MARS1: variants seen among roughly 807,000 people sequenced by gnomAD.
MARS1 encodes methionyl-tRNA synthetase 1.
Under a neutral mutation model 119.5 loss-of-function variants are expected in MARS1, and 80 were observed. The ratio of observed to expected loss-of-function variants is 0.67; its 90% CI spans 0.56 to 0.81. MARS1 has a LOEUF of 0.81. Among genes scored for constraint, MARS1 ranks in the 30% least tolerant of loss-of-function variants. The pLI is 0.00. For synonymous variants in MARS1, 418 were observed against 433.4 expected (o/e 0.96, Z 0.44); for missense variants, 945 against 1,116.5 (o/e 0.85, Z 2.19).
At chr12:57,516,086 C>T (rs906748165) in intron 19 of MARS1, 95 bp downstream of exon 19, 6 of 1,436,240 alleles carry the variant, frequency 4.2e-6, no homozygotes, top group African/African-American at 1.4e-5. Flanking sequence ...CTCTTTCCAT[C>T]TTTTGGCCCT....
chr12:57,507,846 C>T (rs966746844), intron 11 of MARS1, among the ~76,000 whole-genome samples: 2 of 150,254 alleles, frequency 1.3e-5, no homozygotes, highest in Non-Finnish European at 3.0e-5. Flanking sequence ...CGGGCGGAGA[C>T]GCTCCTCACT....
chr12:57,516,100 G>C (rs746069656), intron 19 of MARS1, 109 bp downstream of exon 19: 1 of 1,389,458 alleles, frequency 7.2e-7, no homozygotes, highest in Non-Finnish European at 1.0e-6. Context: ...TGGCCCTGCC[G>C]CTTCCTCACT....
intron 7 of MARS1, among the ~76,000 whole-genome samples, chr12:57,493,107 T>G (rs1279370164): frequency 6.6e-6 from 1 of 151,262 alleles, no homozygotes; most frequent in Non-Finnish European, 1.5e-5. Context: ...GGAGGTCCCA[T>G]TGTCATATTA....
chr12:57,515,856 C>CTG, intron 18 of MARS1, 64 bp from the exon 19 acceptor site: 2 of 1,254,460 alleles, frequency 1.6e-6, no homozygotes, highest in East Asian at 2.3e-5. Context: ...GAGAGGTCAT[C>CTG]TGTATAGTCT....
chr12:57,516,223 T>C (rs1402222951), intron 19 of MARS1, 22 bp from the exon 20 acceptor site: 1 of 1,606,666 alleles, frequency 6.2e-7, no homozygotes, highest in Non-Finnish European at 8.5e-7. Flanking sequence ...TGGTTGCTGG[T>C]GATAACTTTG....
At chr12:57,501,927 G>A (rs771920078) in intron 10 of MARS1, among the ~76,000 whole-genome samples, 4 of 151,854 alleles carry the variant, frequency 2.6e-5, no homozygotes, top group African/African-American at 7.3e-5. Context: ...CCTGGGAAGC[G>A]GAGGTTGCAG....
chr12:57,504,065 C>T, intron 10 of MARS1, 160 bp from the exon 11 acceptor site: 2 of 607,118 alleles, frequency 3.3e-6, no homozygotes. Context: ...ATTTGAGTCT[C>T]CATGTTTAGA....
chr12:57,515,410 C>T (rs1426180950), intron 18 of MARS1, 74 bp downstream of exon 18: 4 of 1,407,170 alleles, frequency 2.8e-6, no homozygotes, highest in Middle Eastern at 3.6e-4. Context: ...GAGAGAAGAC[C>T]TAACATCTCT....
intron 15 of MARS1, among the ~76,000 whole-genome samples, chr12:57,514,157 CTT>C (rs568624285): frequency 6.1e-5 from 8 of 131,200 alleles, no homozygotes; most frequent in Non-Finnish European, 6.5e-5. Context: ...TGAGTAATGA[CTT>C]TTTTTTTTTT....
At chr12:57,514,496 T>C (rs536294566) in intron 15 of MARS1, among the ~76,000 whole-genome samples, 2 of 152,254 alleles carry the variant, frequency 1.3e-5, no homozygotes, top group South Asian at 2.1e-4. Context: ...GGTACAGTTG[T>C]TTAACTTAAT....
In MARS1 at chr12:57,514,794, T is replaced by C. The variant is rs766512056; in HGVS notation, c.2042T>C (p.Leu681Pro). The change falls in exon 16 of 21, where the codon CTG (leucine) becomes CCG (proline). Residue 681 changes from leucine (L) to proline (P), a missense_variant. Coordinates refer to ENST00000262027, the MANE Select transcript of MARS1 (RefSeq NM_004990.4). ...GTGCTCACCCCTGATGATCAGCGCC[T>C]GCTGGCCCATGTCACCCTGGAGCTC... ...EMVLTPDDQR[L>P]LAHVTLELQH... 4.2e-5 allele frequency: 67 copies of C among 1,614,138 alleles called. No individual in the cohort carries two copies. Among genetic ancestry groups the C allele is most frequent in the Non-Finnish European group, 5.7e-5 (67 of 1,180,056 alleles).
intron 11 of MARS1, among the ~76,000 whole-genome samples, chr12:57,510,464 C>T (rs971521465): frequency 6.6e-6 from 1 of 151,718 alleles, no homozygotes; most frequent in Non-Finnish European, 1.5e-5. Context: ...CTGAGCAAGA[C>T]TCCAGCTCAA....
chr12:57,502,799 G>A (rs1876991737), intron 10 of MARS1, among the ~76,000 whole-genome samples: 2 of 151,176 alleles, frequency 1.3e-5, no homozygotes, highest in African/African-American at 2.4e-5. Context: ...AGGCTGAGGC[G>A]GGCAGATCAC....
intron 11 of MARS1, among the ~76,000 whole-genome samples, chr12:57,508,343 C>A (rs1042547469): frequency 6.6e-6 from 1 of 151,946 alleles, no homozygotes; most frequent in African/African-American, 2.4e-5. Flanking sequence ...GAGCCGAGAT[C>A]ACACCACTGC....
Position 57,514,851 on chromosome 12 carries a change from G to C in MARS1, c.2099G>C (p.Arg700Pro). ...QHYHQLLEKV[R>P]IRDALRSILT... is the part of the protein sequence containing the mutation. ...TATCACCAGCTACTTGAGAAGGTTCGGTAAGTAACTGACACCTCTGTCTTT... is the reference window on the plus strand; with the variant it reads ...TATCACCAGCTACTTGAGAAGGTTCCGTAAGTAACTGACACCTCTGTCTTT... The change falls in exon 16 of 21, where the codon CGG (arginine) becomes CCG (proline). Residue 700 changes from arginine to proline, a missense_variant and splice_region_variant. Transcript: ENST00000262027. 1 of 1,613,704 alleles carries C rather than the reference G, an allele frequency of 6.2e-7. No individual in the cohort carries two copies. Among genetic ancestry groups the C allele is most frequent in the African/African-American group, 1.3e-5 (1 of 74,992 alleles).
chr12:57,509,084 T>C (rs1196038288), intron 11 of MARS1, among the ~76,000 whole-genome samples: 1 of 152,214 alleles, frequency 6.6e-6, no homozygotes, highest in Non-Finnish European at 1.5e-5. Context: ...CCTATTTTTT[T>C]CAATTTCTTA....
chr12:57,502,029 G>A (rs1876941983), intron 10 of MARS1, among the ~76,000 whole-genome samples: 1 of 152,100 alleles, frequency 6.6e-6, no homozygotes, highest in Non-Finnish European at 1.5e-5. Flanking sequence ...AGGATTTGGA[G>A]GCAACAAGGC....
intron 7 of MARS1, among the ~76,000 whole-genome samples, chr12:57,495,446 G>A (rs530469834): frequency 2.0e-5 from 3 of 151,826 alleles, no homozygotes; most frequent in East Asian, 2.0e-4. Flanking sequence ...GACCATGGGC[G>A]GCCAGGCAGA....
intron 10 of MARS1, 27 bp downstream of exon 10, chr12:57,500,549 C>T (rs149809605): frequency 1.0e-5 from 16 of 1,604,950 alleles, no homozygotes; most frequent in East Asian, 4.5e-5. Flanking sequence ...CATGGGAGCC[C>T]GGAAGGAGAC....
Sources: allele counts gnomAD v4.1 joint callset (sites outside exome capture counted in the v4.1 genomes callset), GRCh38; gene constraint gnomAD v4.1.1; transcripts MANE v1.5; gene names NCBI Gene and HGNC (gene_info 2026-07-23, HGNC 2026-07-21).